The following GRM7 variants were observed in gnomAD, a reference collection of about 807,000 sequenced individuals.
The protein encoded by GRM7 is glutamate metabotropic receptor 7, also known as metabotropic glutamate receptor 7.
GRM7 carries 35 observed loss-of-function variants against 84.5 expected under a neutral mutation model. The observed-to-expected ratio is 0.41, with a 90% confidence interval of 0.32 to 0.55. The LOEUF is 0.55. Among genes scored for constraint, GRM7 ranks in the 20% least tolerant of loss-of-function variants. GRM7 has a pLI of 0.19. For synonymous variants in GRM7, 487 were observed against 455.1 expected (o/e 1.07, Z -0.89); for missense variants, 1,003 against 1,194.6 (o/e 0.84, Z 2.36).
At chr3:7,352,130 C>T (rs1039494534) in intron 4 of GRM7, among the ~76,000 whole-genome samples, 2 of 145,944 alleles carry the variant, frequency 1.4e-5, no homozygotes, top group Non-Finnish European at 3.0e-5. Flanking sequence ...TCTGGAGAAC[C>T]CTGACTAATA....
intron 1 of GRM7, among the ~76,000 whole-genome samples, chr3:7,041,524 C>T (rs530593305): frequency 5.3e-5 from 8 of 152,256 alleles, no homozygotes; most frequent in South Asian, 2.1e-4. Context: ...ATTCTTTCAG[C>T]GCTTGCTGAA....
chr3:7,275,786 T>C lies in GRM7; in HGVS notation c.737-22898T>C, dbSNP rs1575110514. The stretch of plus-strand genomic sequence containing the variant: ...GAGACATGAGGGGATTTTTCTCACA[T>C]ATATTCACTGTAAGAACCAAACAGA... On this transcript the variant is annotated intron_variant, in intron 2 of 9. Transcript: ENST00000357716. Among the ~76,000 whole-genome samples the C allele has an allele frequency of 2.0e-5, 3 of 152,172 alleles. No individual in the cohort carries two copies. The East Asian group carries it at 5.8e-4, about 29-fold the overall frequency.
chr3:6,944,923 CAA>C (rs1240933638), intron 1 of GRM7, among the ~76,000 whole-genome samples: 1 of 152,044 alleles, frequency 6.6e-6, no homozygotes, highest in African/African-American at 2.4e-5. Context: ...TTTCATGGCA[CAA>C]AGTGTTCATA....
chr3:7,343,882 G>A (rs576346341), intron 4 of GRM7, among the ~76,000 whole-genome samples: 2 of 152,136 alleles, frequency 1.3e-5, no homozygotes, highest in East Asian at 3.9e-4. Context: ...TTTCTTCTGA[G>A]CCCTTCAGCT....
chr3:7,503,078 A>G (rs1177497838), intron 7 of GRM7, among the ~76,000 whole-genome samples: 2 of 152,176 alleles, frequency 1.3e-5, no homozygotes, highest in East Asian at 3.9e-4. Context: ...GTGTCTACTT[A>G]CAATCACAAG....
At chr3:6,993,394 T>C (rs1694717362) in intron 1 of GRM7, among the ~76,000 whole-genome samples, 1 of 152,120 alleles carries the variant, frequency 6.6e-6, no homozygotes, top group African/African-American at 2.4e-5. Context: ...TAACATACCA[T>C]GTTATGGCAT....
At chr3:7,078,387 C>T (rs866746065) in intron 1 of GRM7, among the ~76,000 whole-genome samples, 6 of 152,154 alleles carry the variant, frequency 3.9e-5, no homozygotes, top group Non-Finnish European at 8.8e-5. Context: ...TGGAGAAGCA[C>T]GGGGACAGAT....
intron 4 of GRM7, among the ~76,000 whole-genome samples, chr3:7,350,798 A>G (rs972725060): frequency 1.3e-5 from 2 of 152,030 alleles, no homozygotes; most frequent in African/African-American, 4.8e-5. Context: ...GTGCTCTGAT[A>G]TTCCAAACAA....
rs142610962 is a variant in GRM7 at position 7,167,393 on chromosome 3, T to C, written c.736+20725T>C. On this transcript the variant is annotated intron_variant, in intron 2 of 9. Coordinates refer to ENST00000357716, the MANE Select transcript of GRM7 (RefSeq NM_000844.4). ...GTCAACCTGGGTTTCCACACATCCC[T>C]GCATGTGCCATTGCAGAGGGCCATT... 4.3e-4 allele frequency among the ~76,000 whole-genome samples: 66 copies of C among 152,290 alleles called. 2 individuals carry two copies. In the East Asian group the frequency reaches 0.012, roughly 28 times the overall value.
At chr3:7,306,125 C>G (rs920492237) in intron 3 of GRM7, among the ~76,000 whole-genome samples, 2 of 152,120 alleles carry the variant, frequency 1.3e-5, no homozygotes, top group African/African-American at 4.8e-5. Flanking sequence ...ATTTCTCCAG[C>G]CCCAAGCCAA....
rs190033596 is a variant in GRM7, at chr3:6,894,709, C to A, written c.519+32802C>A. Among the ~76,000 whole-genome samples, 4 of 152,184 alleles carry A rather than the reference C, an allele frequency of 2.6e-5. No homozygotes were observed. In the East Asian group the frequency reaches 7.7e-4, roughly 29 times the overall value. Reference sequence around the variant, plus strand: ...ATAGGATGTAAACTGGGTAGGCTTCCAGCAGCTTTACTCGATTCTGACTTT... The same window carrying A: ...ATAGGATGTAAACTGGGTAGGCTTCAAGCAGCTTTACTCGATTCTGACTTT... On this transcript the variant is annotated intron_variant, in intron 1 of 9. Transcript: ENST00000357716.
chr3:7,334,176 G>T (rs1156535114), intron 4 of GRM7, among the ~76,000 whole-genome samples: 7 of 152,040 alleles, frequency 4.6e-5, no homozygotes, highest in Admixed American at 2.6e-4. Context: ...CTAAATTCAA[G>T]ATAAAGGAAA....
intron 1 of GRM7, among the ~76,000 whole-genome samples, chr3:6,917,641 C>T (rs1696987684): frequency 6.6e-6 from 1 of 151,934 alleles, no homozygotes. Context: ...CTCAAATGTC[C>T]TTGAAAGTTC....
At chr3:7,266,714 G>T (rs1283615348) in intron 2 of GRM7, among the ~76,000 whole-genome samples, 2 of 152,008 alleles carry the variant, frequency 1.3e-5, no homozygotes, top group African/African-American at 2.4e-5. Context: ...TTATTTTATG[G>T]CATTCCAAAC....
At chr3:6,994,516 T>C (rs1694763882) in intron 1 of GRM7, among the ~76,000 whole-genome samples, 2 of 152,182 alleles carry the variant, frequency 1.3e-5, no homozygotes, top group African/African-American at 4.8e-5. Flanking sequence ...ACTGACCCTA[T>C]GAGTAGTTAC....
chr3:7,541,211 G>C (rs996448352), intron 7 of GRM7, among the ~76,000 whole-genome samples: 1 of 151,998 alleles, frequency 6.6e-6, no homozygotes, highest in Non-Finnish European at 1.5e-5. Context: ...ATGGCATTAG[G>C]TGAAACCATG....
intron 8 of GRM7, among the ~76,000 whole-genome samples, chr3:7,635,478 A>C (rs1294999329): frequency 1.3e-5 from 2 of 152,182 alleles, no homozygotes; most frequent in African/African-American, 4.8e-5. Context: ...GTTCAAGATG[A>C]TGCCACTTTG....
At chr3:7,280,544 G>A (rs1035219795) in intron 2 of GRM7, among the ~76,000 whole-genome samples, 3 of 152,174 alleles carry the variant, frequency 2.0e-5, no homozygotes, top group African/African-American at 7.2e-5. Context: ...TAATGCATCT[G>A]TAAGACTGAA....
Position 7,680,135 on chromosome 3 carries a change from C to T in GRM7, c.2538C>T (p.Tyr846=), listed in dbSNP as rs1356240313. The T allele has an allele frequency of 6.2e-7, 1 of 1,613,996 alleles. No homozygotes were observed. Among genetic ancestry groups the T allele is most frequent in the East Asian group, 2.2e-5 (1 of 44,862 alleles). Residue 846 remains tyrosine, a synonymous_variant, in exon 9 of 10, where the codon TAC becomes TAT. Coordinates refer to ENST00000357716, the MANE Select transcript of GRM7 (RefSeq NM_000844.4). ...ALGMLYMPKV[Y]IIIFHPELNV... ...GGATGCTATACATGCCGAAAGTGTA[C>T]ATCATCATTTTCCACCCTGAACTCA...
Sources: gnomAD v4.1 joint callset for allele counts (sites outside exome capture counted in the v4.1 genomes callset) on GRCh38, gnomAD v4.1.1 for gene constraint, MANE v1.5 for transcripts, NCBI Gene and HGNC (gene_info 2026-07-23, HGNC 2026-07-21) for gene names.